GRM1: variants seen among roughly 807,000 people sequenced by gnomAD.
GRM1 encodes the protein metabotropic glutamate receptor 1.
A neutral mutation model predicts 90.9 loss-of-function variants in GRM1; 33 were observed. The observed-to-expected ratio is 0.36, with a 90% CI of 0.28 to 0.49. The LOEUF (loss-of-function observed/expected upper bound fraction) is 0.49. Among genes scored for constraint, GRM1 ranks in the 20% least tolerant of loss-of-function variants. The pLI, the probability that GRM1 is intolerant of heterozygous loss-of-function variation, is 0.99. For missense variants in GRM1, 1,190 were observed against 1,534.3 expected, an observed-to-expected ratio of 0.78 and a Z score of 3.75; for synonymous variants, 700 against 613.2, an observed-to-expected ratio of 1.14 and a Z score of -2.09.
Position 146,434,212 on chromosome 6 carries a change from C to T in GRM1, c.3001C>T (p.Pro1001Ser). The T allele has an allele frequency of 6.2e-7, 1 of 1,609,394 alleles. No individual in the cohort carries two copies. The highest frequency in any genetic ancestry group is 8.5e-7 in the Non-Finnish European group (1 of 1,176,584). Reference protein sequence around the residue: ...LPSHLTAEETPLFLAEPALPK... With the variant: ...LPSHLTAEETSLFLAEPALPK... ...GTCCCACCTGACCGCAGAGGAGACC[C>T]CCCTCTTCCTGGCCGAACCAGCCCT... is the stretch of plus-strand genomic sequence containing the variant. Residue 1001 changes from proline to serine, a missense_variant, in exon 8 of 8, where the codon CCC (proline) becomes TCC (serine). This residue lies in a region of GRM1 where 400 missense variants were observed against 360.8 expected (regional missense o/e 1.11). Transcript: ENST00000282753.
chr6:146,183,780 C>A (rs577300412), intron 2 of GRM1, among the ~76,000 whole-genome samples: 2 of 152,270 alleles, frequency 1.3e-5, no homozygotes, highest in East Asian at 1.9e-4. Flanking sequence ...TCAGTTTCTG[C>A]TCCTTAGTCT....
rs902054104 is a variant in GRM1 at position 146,029,229 on chromosome 6, A to C, written c.-289A>C. 1 of 488,766 alleles carries C rather than the reference A, an allele frequency of 2.0e-6. No homozygotes were observed. Among genetic ancestry groups the C allele is most frequent in the Non-Finnish European group, 3.7e-6 (1 of 267,296 alleles). The allele number at this position is 488,766 out of a possible 1,614,324, so 30.3% of individuals were successfully genotyped here. A position where few individuals can be genotyped will look rare whatever the true frequency, so the allele number is the denominator to read the frequency against. ...GCTCACCGCTGCCAACACGACTTCC[A>C]CTGTACTCTTGATCAATTTACCTTG... On this transcript the variant is annotated 5_prime_UTR_variant, in exon 1 of 8. Coordinates refer to ENST00000282753, the MANE Select transcript of GRM1 (RefSeq NM_001278064.2).
intron 5 of GRM1, among the ~76,000 whole-genome samples, chr6:146,384,075 T>C (rs992398980): frequency 6.6e-6 from 1 of 152,024 alleles, no homozygotes; most frequent in South Asian, 2.1e-4. Context: ...AGAAAACAAA[T>C]GGAGCTTGGC....
intron 1 of GRM1, among the ~76,000 whole-genome samples, chr6:146,101,220 A>G (rs1409032497): frequency 6.6e-6 from 1 of 152,138 alleles, no homozygotes; most frequent in Non-Finnish European, 1.5e-5. Context: ...TTTCTGTAGT[A>G]GCCTTATATA....
intron 1 of GRM1, among the ~76,000 whole-genome samples, chr6:146,107,740 A>G (rs534080414): frequency 1.3e-5 from 2 of 152,234 alleles, no homozygotes; most frequent in East Asian, 3.9e-4. Context: ...TCTGCGAGTT[A>G]CCTTCCTATT....
Position 146,352,196 on chromosome 6 carries a change from G to A in GRM1, c.1187-54G>A. On this transcript the variant is annotated intron_variant, in intron 3 of 7. Coordinates refer to ENST00000282753, the MANE Select transcript of GRM1 (RefSeq NM_001278064.2). ...AAAAGCATTTGAGAATTAAACCTGG[G>A]AGCCTAGTCTTTATCATTGTGACCT... 4 of 1,587,774 alleles carry A rather than the reference G, an allele frequency of 2.5e-6. No homozygotes were observed. The South Asian group carries it at 4.5e-5, about 18-fold the overall frequency.
rs1235704954 is a variant in GRM1 at position 146,219,689 on chromosome 6, A to ATTGGG, written c.950+60093_950+60094insTGGGT. Among the ~76,000 whole-genome samples, 709 of 152,292 alleles carry ATTGGG rather than the reference A, an allele frequency of 4.7e-3. 8 individuals are homozygous for ATTGGG. Among genetic ancestry groups the ATTGGG allele is most frequent in the African/African-American group, 0.016 (680 of 41,560 alleles). On this transcript the variant is annotated intron_variant, in intron 2 of 7. Coordinates refer to ENST00000282753, the MANE Select transcript of GRM1 (RefSeq NM_001278064.2). ...AAATGTTTCAATTTTATGTGTGTGC[A>ATTGGG]TATGTATTGGGTAAATATATTTCTT...
At chr6:146,270,923 TC>T (rs1782125562) in intron 2 of GRM1, among the ~76,000 whole-genome samples, 3 of 126,330 alleles carry the variant, frequency 2.4e-5, no homozygotes, top group African/African-American at 3.9e-5. Context: ...CTTCCTTCCT[TC>T]CTTCCTTCCT....
intron 2 of GRM1, among the ~76,000 whole-genome samples, chr6:146,190,973 T>C (rs904302320): frequency 9.9e-5 from 15 of 152,168 alleles, no homozygotes; most frequent in Admixed American, 2.0e-4. Context: ...CTCCTTAAGA[T>C]TGGACCCTAG....
At chr6:146,079,615 C>T (rs903799714) in intron 1 of GRM1, among the ~76,000 whole-genome samples, 11 of 152,128 alleles carry the variant, frequency 7.2e-5, no homozygotes, top group Middle Eastern at 3.2e-3. Flanking sequence ...GAGAGTGTGT[C>T]GAACCTCCCT....
intron 5 of GRM1, among the ~76,000 whole-genome samples, chr6:146,384,731 C>T (rs1441811474): frequency 6.6e-6 from 1 of 151,614 alleles, no homozygotes; most frequent in African/African-American, 2.4e-5. Context: ...GGCGTTAAAA[C>T]ACAAGGATAA....
intron 2 of GRM1, among the ~76,000 whole-genome samples, chr6:146,243,919 T>C (rs1780957711): frequency 6.6e-6 from 1 of 152,136 alleles, no homozygotes; most frequent in Non-Finnish European, 1.5e-5. Context: ...ACACTCTCTT[T>C]CTCCAGGCTG....
At chr6:146,122,357 G>T (rs1026748034) in intron 1 of GRM1, among the ~76,000 whole-genome samples, 1 of 151,722 alleles carries the variant, frequency 6.6e-6, no homozygotes, top group African/African-American at 2.4e-5. Context: ...TTTATTAGGT[G>T]GTATCTAGAT....
At chr6:146,230,345 G>T (rs1780405295) in intron 2 of GRM1, among the ~76,000 whole-genome samples, 1 of 152,072 alleles carries the variant, frequency 6.6e-6, no homozygotes, top group Admixed American at 6.6e-5. Context: ...ATTAAAATAT[G>T]GGCCAAAGGC....
intron 7 of GRM1, among the ~76,000 whole-genome samples, chr6:146,426,159 C>A (rs890609117): frequency 2.0e-5 from 3 of 151,568 alleles, no homozygotes; most frequent in Non-Finnish European, 4.4e-5. Flanking sequence ...AATTAAAAGT[C>A]ACAGTGTCAG....
chr6:146,404,844 G>C (rs1189304934), intron 7 of GRM1, among the ~76,000 whole-genome samples: 3 of 152,072 alleles, frequency 2.0e-5, no homozygotes, highest in Non-Finnish European at 4.4e-5. Flanking sequence ...TAAGCTTTAG[G>C]GGAAGAAACT....
chr6:146,329,436 G>C (rs1229069631), intron 3 of GRM1, among the ~76,000 whole-genome samples: 2 of 152,204 alleles, frequency 1.3e-5, no homozygotes, highest in Non-Finnish European at 2.9e-5. Flanking sequence ...GTCATGAGCA[G>C]TTAGGATCTT....
chr6:146,350,685 G>A (rs987532144), intron 3 of GRM1, among the ~76,000 whole-genome samples: 1 of 152,134 alleles, frequency 6.6e-6, no homozygotes, highest in Non-Finnish European at 1.5e-5. Context: ...AAGCTACTCT[G>A]TTTAAATGAA....
chr6:146,351,046 G>T (rs911864929), intron 3 of GRM1, among the ~76,000 whole-genome samples: 2 of 152,026 alleles, frequency 1.3e-5, no homozygotes, highest in African/African-American at 2.4e-5. Flanking sequence ...TCCCAAGTTC[G>T]ATATCAAAGT....
Sources: gnomAD v4.1 joint callset for allele counts (sites outside exome capture counted in the v4.1 genomes callset) on GRCh38, gnomAD v4.1.1 for gene constraint, gnomAD v4.1.1 regional missense constraint, MANE v1.5 for transcripts, NCBI Gene and HGNC (gene_info 2026-07-23, HGNC 2026-07-21) for gene names.